Variants in SUPT3H observed in about 807,000 individuals in gnomAD.
The protein encoded by SUPT3H is transcription initiation protein SPT3 homolog.
Under a neutral mutation model 44.3 loss-of-function variants are expected in SUPT3H, and 44 were observed. The observed-to-expected ratio is 0.99, with a 90% CI of 0.78 to 1.28. The LOEUF (loss-of-function observed/expected upper bound fraction) is 1.28, where lower values mean the gene tolerates loss of function less well. Among genes scored for constraint, SUPT3H ranks in the 50% most tolerant of loss-of-function variants. The pLI is 0.00. For missense variants in SUPT3H, 380 were observed against 387.1 expected, an observed-to-expected ratio of 0.98 and a Z score of 0.15; for synonymous variants, 124 against 125.6, an observed-to-expected ratio of 0.99 and a Z score of 0.09.
chr6:45,202,158 A>C (rs1762537650), intron 2 of SUPT3H, among the ~76,000 whole-genome samples: 1 of 151,990 alleles, frequency 6.6e-6, no homozygotes, highest in Admixed American at 6.6e-5. Context: ...TCTCAAAATC[A>C]GGCATCAAAA....
intron 2 of SUPT3H, among the ~76,000 whole-genome samples, chr6:45,319,377 ATTAC>A (rs1785145156): frequency 1.3e-5 from 2 of 152,292 alleles, no homozygotes; most frequent in African/African-American, 4.8e-5. Flanking sequence ...CCATAACAAA[ATTAC>A]TTGAGACATA....
At chr6:44,912,175 A>AAGC (rs1367712059) in intron 10 of SUPT3H, among the ~76,000 whole-genome samples, 1 of 152,208 alleles carries the variant, frequency 6.6e-6, no homozygotes, top group Non-Finnish European at 1.5e-5. Flanking sequence ...AATATTGTAC[A>AAGC]AGCATCATCA....
At position 45,081,244 on chromosome 6, in the gene SUPT3H, T is replaced by C. The variant is rs570166273; in HGVS notation, c.186+24678A>G. On this transcript the variant is annotated intron_variant, in intron 3 of 10. Coordinates refer to ENST00000371459, the MANE Select transcript of SUPT3H (RefSeq NM_003599.4). ...TTACATTTCAGCTCGTCCCATTTGA[T>C]CCTTAACTCACTTCACTCCAGAAAT... Among the ~76,000 whole-genome samples, 85 of 152,146 alleles carry C rather than the reference T, an allele frequency of 5.6e-4. No homozygotes were observed. The Middle Eastern group carries it at 0.01, about 18-fold the overall frequency.
intron 3 of SUPT3H, among the ~76,000 whole-genome samples, chr6:45,036,178 A>G (rs1562310983): frequency 6.6e-6 from 1 of 152,140 alleles, no homozygotes; most frequent in Admixed American, 6.6e-5. Flanking sequence ...ACAACTTGCA[A>G]TGTCATAATA....
intron 3 of SUPT3H, among the ~76,000 whole-genome samples, chr6:45,047,652 T>G (rs1439823750): frequency 6.6e-6 from 1 of 152,162 alleles, no homozygotes; most frequent in African/African-American, 2.4e-5. Context: ...ATTTTTAATT[T>G]TTTTAAGGAA....
chr6:45,069,622 C>A (rs1196546139), intron 3 of SUPT3H, among the ~76,000 whole-genome samples: 1 of 151,936 alleles, frequency 6.6e-6, no homozygotes, highest in Admixed American at 6.6e-5. Flanking sequence ...CTAGAAAGTT[C>A]CTGTGAAGAG....
chr6:44,937,964 C>T (rs1771760012), intron 9 of SUPT3H, among the ~76,000 whole-genome samples: 1 of 124,778 alleles, frequency 8.0e-6, no homozygotes, highest in South Asian at 2.5e-4. Flanking sequence ...GGCTGGAGTG[C>T]AGTGGTGTAA....
intron 6 of SUPT3H, among the ~76,000 whole-genome samples, chr6:44,984,885 C>T (rs562659879): frequency 2.2e-4 from 34 of 151,996 alleles, no homozygotes; most frequent in Non-Finnish European, 4.7e-4. Flanking sequence ...TCCTAAATAG[C>T]CCATAATAAA....
At chr6:45,162,923 GT>G (rs1356785770) in intron 2 of SUPT3H, among the ~76,000 whole-genome samples, 1 of 152,154 alleles carries the variant, frequency 6.6e-6, no homozygotes, top group Non-Finnish European at 1.5e-5. Context: ...AAAGACTAGA[GT>G]ATATTCCAAA....
At chr6:45,262,448 G>C (rs888728271) in intron 2 of SUPT3H, among the ~76,000 whole-genome samples, 44 of 152,150 alleles carry the variant, frequency 2.9e-4, no homozygotes, top group African/African-American at 9.9e-4. Flanking sequence ...TATGATAACT[G>C]GCTTACCATA....
chr6:45,141,124 G>C (rs1037432314), intron 2 of SUPT3H, among the ~76,000 whole-genome samples: 4 of 151,948 alleles, frequency 2.6e-5, no homozygotes, highest in African/African-American at 9.7e-5. Flanking sequence ...TGGATCACCT[G>C]AGGTCAGGAG....
At chr6:45,268,612 CTAAAG>C (rs1052786457) in intron 2 of SUPT3H, among the ~76,000 whole-genome samples, 11 of 151,958 alleles carry the variant, frequency 7.2e-5, no homozygotes, top group South Asian at 2.1e-4. Context: ...TAAAAAGGGT[CTAAAG>C]TAAACTACAG....
intron 2 of SUPT3H, among the ~76,000 whole-genome samples, chr6:45,305,143 C>G (rs1782787583): frequency 6.6e-6 from 1 of 152,184 alleles, no homozygotes; most frequent in African/African-American, 2.4e-5. Context: ...ACTTTTTAAT[C>G]TAAGCCATTA....
chr6:44,990,176 CA>C (rs1780411673), intron 6 of SUPT3H, among the ~76,000 whole-genome samples: 3 of 145,292 alleles, frequency 2.1e-5, no homozygotes, highest in African/African-American at 7.3e-5. Flanking sequence ...GATAAGGATT[CA>C]ATTTCATTTT....
At chr6:45,296,486 C>T (rs945005085) in intron 2 of SUPT3H, among the ~76,000 whole-genome samples, 10 of 151,986 alleles carry the variant, frequency 6.6e-5, no homozygotes, top group African/African-American at 2.2e-4. Flanking sequence ...TGCCTGTAAT[C>T]CCAGCACTTT....
chr6:45,291,736 A>G (rs1780341823), intron 2 of SUPT3H, among the ~76,000 whole-genome samples: 1 of 152,206 alleles, frequency 6.6e-6, no homozygotes, highest in African/African-American at 2.4e-5. Context: ...AAACTCCAAC[A>G]AAGACCAAAA....
Position 45,291,500 on chromosome 6 carries a change from T to TAGGG in SUPT3H, c.101+73697_101+73700dup, listed in dbSNP as rs1045944720. Among the ~76,000 whole-genome samples the TAGGG allele has an allele frequency of 1.4e-4, 21 of 152,194 alleles. 1 individual carries two copies. The highest frequency in any genetic ancestry group is 4.8e-4 in the African/African-American group (20 of 41,508). On this transcript the variant is annotated intron_variant, in intron 2 of 10. Coordinates refer to ENST00000371459, the MANE Select transcript of SUPT3H (RefSeq NM_003599.4). ...TTCAGGAGGATAGTTATTAAGCTAA[T>TAGGG]AGGGGAGACACCAGAGAAAGGTGGC...
chr6:45,088,561 T>A (rs1196477680), intron 3 of SUPT3H, among the ~76,000 whole-genome samples: 2 of 152,072 alleles, frequency 1.3e-5, no homozygotes, highest in Non-Finnish European at 1.5e-5. Context: ...CAAGACTGTA[T>A]AACTGGCAAG....
At chr6:44,865,790 G>C (rs191852589) in intron 10 of SUPT3H, among the ~76,000 whole-genome samples, 1 of 152,264 alleles carries the variant, frequency 6.6e-6, no homozygotes, top group African/African-American at 2.4e-5. Context: ...GCAGGGACTT[G>C]AGGTACATCA....
Sources: gnomAD v4.1 joint callset for allele counts (sites outside exome capture counted in the v4.1 genomes callset) on GRCh38, gnomAD v4.1.1 for gene constraint, MANE v1.5 for transcripts, NCBI Gene and HGNC (gene_info 2026-07-23, HGNC 2026-07-21) for gene names.